TSEN54: variants seen among roughly 807,000 people sequenced by gnomAD.
TSEN54 encodes the protein tRNA-splicing endonuclease subunit Sen54.
TSEN54 carries 55 observed loss-of-function variants against 61.9 expected under a neutral mutation model. That is an observed-to-expected ratio of 0.89 (90% confidence interval 0.72 to 1.11). TSEN54 has a LOEUF of 1.11. Ranked by LOEUF, TSEN54 falls within the 50% of genes most tolerant of loss-of-function variation. The probability of loss-of-function intolerance (pLI) is 0.00; values close to 1 mark genes in which losing one functional copy is unlikely to be tolerated. For missense variants in TSEN54, 760 were observed against 687.7 expected, an observed-to-expected ratio of 1.11 and a Z score of -1.18; for synonymous variants, 304 against 288.7, an observed-to-expected ratio of 1.05 and a Z score of -0.54.
rs200445428 is a variant in TSEN54 at position 75,524,409 on chromosome 17, C to T, written c.1578C>T (p.His526=). Reference sequence around the variant, plus strand: ...TCACGTTGCCCCAGGATGTGGGGCACTGACCTCACAGCTCTGCAGAGGATG... The same window carrying T: ...TCACGTTGCCCCAGGATGTGGGGCATTGACCTCACAGCTCTGCAGAGGATG... ...RDFTLPQDVG[H] is the part of the protein sequence containing the mutation. The change falls in exon 11 of 11, where the codon CAC becomes CAT. Residue 526 remains histidine (H), a synonymous_variant. Transcript: ENST00000333213. 1.2e-6 allele frequency: 2 copies of T among 1,613,976 alleles called. No homozygotes were observed. Among genetic ancestry groups the T allele is most frequent in the South Asian group, 1.1e-5 (1 of 91,092 alleles).
rs577838647 is a variant in TSEN54, at chr17:75,518,665, C to G, written c.469-330C>G. 1.4e-5 allele frequency: 14 copies of G among 985,272 alleles called. No homozygotes were observed. In the Middle Eastern group the frequency reaches 2.6e-3, roughly 182 times the overall value. The allele number at this position is 985,272 out of a possible 1,614,324, so 61.0% of individuals were successfully genotyped here. A position where few individuals can be genotyped will look rare whatever the true frequency, so the allele number is the denominator to read the frequency against. On this transcript the variant is annotated intron_variant, in intron 5 of 10. Transcript: ENST00000333213. The stretch of plus-strand genomic sequence containing the variant: ...GCCATCATTTTGTTCACATGGTGAT[C>G]GGCAGCTTCACTCCTATGAGCTTTG...
rs776024779 is a variant in TSEN54, at chr17:75,517,201, G to A, written c.326G>A (p.Arg109Gln). Residue 109 changes from arginine (R) to glutamine (Q), a missense_variant, in exon 4 of 11, where the codon CGG (arginine) becomes CAG (glutamine). Transcript: ENST00000333213. ...WQTMGFSEQG[R>Q]QRLHPEEALY... The stretch of plus-strand genomic sequence containing the variant: ...ACCATGGGCTTCTCAGAGCAGGGCC[G>A]GCAGCGCCTTCACCCGGAAGAGGCC... 2 of 1,606,616 alleles carry A rather than the reference G, an allele frequency of 1.2e-6. No homozygotes were observed. The highest frequency in any genetic ancestry group is 1.7e-6 in the Non-Finnish European group (2 of 1,176,906).
At position 75,523,277 on chromosome 17, in the gene TSEN54, G is replaced by A. The variant is rs1394317412; in HGVS notation, c.1255G>A (p.Val419Met). The part of the protein sequence containing the change: ...LSPGQASSPA[V>M]VLQHISVLQT... ...CCTTGTTTTCTGTGTCCTTGTAGCC[G>A]TGGTCCTTCAGCATATCTCTGTGCT... is the stretch of plus-strand genomic sequence containing the variant. The change falls in exon 9 of 11, where the codon GTG (valine) becomes ATG (methionine). Residue 419 changes from valine (V) to methionine (M), a missense_variant and splice_region_variant. Val to Met is a conservative substitution (Grantham distance 21). Around this residue, in one of 3 missense-constraint regions of TSEN54, gnomAD observed 667 missense variants for 577.8 expected, o/e 1.15. Transcript: ENST00000333213. 8 of 1,613,962 alleles carry A rather than the reference G, an allele frequency of 5.0e-6. No homozygotes were observed. Among genetic ancestry groups the A allele is most frequent in the East Asian group, 4.5e-5 (2 of 44,898 alleles).
chr17:75,521,549 G>T (rs929535904), intron 7 of TSEN54, 39 bp downstream of exon 7: 59 of 1,602,546 alleles, frequency 3.7e-5, no homozygotes, highest in Non-Finnish European at 5.0e-5. Flanking sequence ...GGGAGTGCTG[G>T]TGTCTGGGAC....
At position 75,523,334 on chromosome 17, in the gene TSEN54, C is replaced by A; in HGVS notation, c.1312C>A (p.Arg438=). The change falls in exon 9 of 11, where the codon CGG becomes AGG. Residue 438 remains arginine, a splice_region_variant and synonymous_variant. Coordinates refer to ENST00000333213, the MANE Select transcript of TSEN54 (RefSeq NM_207346.3). ...AACACACCTTCCTGATGGAGGTGCC[C>A]GGTAAGTTTCCAAGCAGTGCCGTCT... ...QTTHLPDGGA[R]LLEKSGGLEI... is the part of the protein sequence containing the mutation. 6.2e-7 allele frequency: 1 copy of A among 1,613,980 alleles called. No homozygotes were observed. Among genetic ancestry groups the A allele is most frequent in the South Asian group, 1.1e-5 (1 of 91,072 alleles).
At chr17:75,521,302 G>A (rs1048215591) in intron 6 of TSEN54, 107 bp from the exon 7 acceptor site, 13 of 958,188 alleles carry the variant, frequency 1.4e-5, no homozygotes, top group Non-Finnish European at 1.2e-5. Context: ...GTGTGGCTCC[G>A]ATCCTGGCCC....
In TSEN54 at chr17:75,517,987, G is replaced by A. The variant is rs770849822; in HGVS notation, c.468+332G>A. ...TCAGAAATATTTTGGAGAAAGAATG[G>A]ATAGGACTGCCAATGGATTGGATGT... On this transcript the variant is annotated intron_variant, in intron 5 of 10. Transcript: ENST00000333213. Among the ~76,000 whole-genome samples, 3 of 152,168 alleles carry A rather than the reference G, an allele frequency of 2.0e-5. No individual in the cohort carries two copies. In the South Asian group the frequency reaches 6.2e-4, roughly 32 times the overall value.
intron 8 of TSEN54, chr17:75,522,576 TAAAC>T (rs2053440502): frequency 7.1e-7 from 1 of 1,406,320 alleles, no homozygotes; most frequent in African/African-American, 1.4e-5. Flanking sequence ...CTTAAAAAGA[TAAAC>T]AACATGCATG....
chr17:75,518,658 T>C (rs1028634500), intron 5 of TSEN54: 1 of 985,464 alleles, frequency 1.0e-6, no homozygotes, highest in Non-Finnish European at 1.2e-6. Context: ...TTTGTTCACA[T>C]GGTGATCGGC....
Position 75,522,041 on chromosome 17 carries a change from A to G in TSEN54, c.960A>G (p.Pro320=). The stretch of plus-strand genomic sequence containing the variant: ...ACACCCTTCTGCGCGCCCCAGCCCC[A>G]GAGCTGCTCCCGGCCAACGTGGCTG... ...SRHTLLRAPA[P]ELLPANVAGR... Residue 320 remains proline (P), a synonymous_variant, in exon 8 of 11, where the codon CCA becomes CCG. Coordinates refer to ENST00000333213, the MANE Select transcript of TSEN54 (RefSeq NM_207346.3). 2 of 1,591,884 alleles carry G rather than the reference A, an allele frequency of 1.3e-6. No homozygotes were observed. The highest frequency in any genetic ancestry group is 1.7e-6 in the Non-Finnish European group (2 of 1,169,748).
chr17:75,522,315 G>A lies in TSEN54; in HGVS notation c.1234G>A (p.Gly412Ser), dbSNP rs1415693235. The A allele has an allele frequency of 9.1e-6, 14 of 1,545,598 alleles. No individual in the cohort carries two copies. Among genetic ancestry groups the A allele is most frequent in the East Asian group, 4.9e-5 (2 of 40,908 alleles). Residue 412 changes from glycine to serine, a missense_variant, in exon 8 of 11, where the codon GGC becomes AGC. This residue lies in a region of TSEN54 where 667 missense variants were observed against 577.8 expected (regional missense o/e 1.15). Transcript: ENST00000333213. ...GQPVTPLLSP[G>S]QASSPAVVLQ... ...GCCCGTCACCCCGCTGCTGAGTCCTGGCCAGGCCAGCTCCCCAGGTACCCC... is the reference window on the plus strand; with the variant it reads ...GCCCGTCACCCCGCTGCTGAGTCCTAGCCAGGCCAGCTCCCCAGGTACCCC...
intron 9 of TSEN54, 111 bp downstream of exon 9, chr17:75,523,446 T>TA (rs2053453173): frequency 6.2e-7 from 1 of 1,605,930 alleles, no homozygotes. Context: ...CAGGGACTCC[T>TA]ACCCCTACGC....
Position 75,521,992 on chromosome 17 carries a change from C to T in TSEN54, c.911C>T (p.Pro304Leu), listed in dbSNP as rs768929014. Residue 304 changes from proline to leucine, a missense_variant, in exon 8 of 11, where the codon CCC becomes CTC. By Grantham distance (98) the Pro-to-Leu change is moderately conservative. Around this residue, in one of 3 missense-constraint regions of TSEN54, gnomAD observed 667 missense variants for 577.8 expected, o/e 1.15. Coordinates refer to ENST00000333213, the MANE Select transcript of TSEN54 (RefSeq NM_207346.3). Reference sequence around the variant, plus strand: ...TGGAACTTCGAGCAGATCTCCTTCCCCAACATGGCTTCAGACAGCCGCCAC... The same window carrying T: ...TGGAACTTCGAGCAGATCTCCTTCCTCAACATGGCTTCAGACAGCCGCCAC... ...RRWNFEQISFPNMASDSRHTL... is the reference protein window; with the variant it reads ...RRWNFEQISFLNMASDSRHTL... The T allele has an allele frequency of 4.4e-6, 7 of 1,604,576 alleles. No individual in the cohort carries two copies. The African/African-American group carries it at 9.4e-5, about 21-fold the overall frequency.
Position 75,517,301 on chromosome 17 carries a change from G to C in TSEN54, c.369+57G>C, listed in dbSNP as rs117195747. 0.026 allele frequency: 40,759 copies of C among 1,540,756 alleles called. 700 individuals carry two copies. Among genetic ancestry groups the C allele is most frequent in the Non-Finnish European group, 0.031 (35,778 of 1,136,480 alleles). ...TGGGACCAAAGAACGGGAAGGACAC[G>C]TTTTATCGGAGAAAAAGCACACACA... On this transcript the variant is annotated intron_variant, in intron 4 of 10. Transcript: ENST00000333213.
intron 6 of TSEN54, 92 bp downstream of exon 6, chr17:75,519,139 A>C: frequency 6.8e-7 from 1 of 1,463,332 alleles, no homozygotes; most frequent in Non-Finnish European, 9.6e-7. Context: ...CTTACCTGGA[A>C]CCCTTGGCTG....
At chr17:75,519,409 T>G (rs2053405361) in intron 6 of TSEN54, among the ~76,000 whole-genome samples, 1 of 152,204 alleles carries the variant, frequency 6.6e-6, no homozygotes, top group Non-Finnish European at 1.5e-5. Context: ...TTACCATTAG[T>G]AGGGTTTCAC....
chr17:75,519,960 G>A (rs556050005), intron 6 of TSEN54, among the ~76,000 whole-genome samples: 78 of 152,286 alleles, frequency 5.1e-4, no homozygotes, highest in African/African-American at 1.9e-3. Context: ...AATGATCAAC[G>A]ATATTTATTA....
intron 5 of TSEN54, 196 bp from the exon 6 acceptor site, chr17:75,518,799 G>T: frequency 1.0e-6 from 1 of 985,376 alleles, no homozygotes; most frequent in Non-Finnish European, 1.2e-6. Context: ...TAAGTGGGAG[G>T]ACAGGAATTC....
Position 75,516,572 on chromosome 17 carries a change from G to GGAGCCCGAT in TSEN54, c.12_13insGAGCCCGAT (p.Glu4_Pro5insGluProAsp). Reference sequence around the variant, plus strand: ...CAGGCGGCGGCGGGATGGAGCCCGAGCCCGAGCCCGCGGCCGTGGAGGTTC... The same window carrying GGAGCCCGAT: ...CAGGCGGCGGCGGGATGGAGCCCGAGGAGCCCGATCCCGAGCCCGCGGCCGTGGAGGTTC... On this transcript the variant is annotated inframe_insertion, in exon 1 of 11. Coordinates refer to ENST00000333213, the MANE Select transcript of TSEN54 (RefSeq NM_207346.3). 8.7e-7 allele frequency: 1 copy of GGAGCCCGAT among 1,149,912 alleles called. No individual in the cohort carries two copies. Among genetic ancestry groups the GGAGCCCGAT allele is most frequent in the Non-Finnish European group, 1.1e-6 (1 of 937,190 alleles). 71.2% of individuals were successfully genotyped at this position (1,149,912 alleles called of 1,614,324 possible).
Sources: allele counts gnomAD v4.1 joint callset (sites outside exome capture counted in the v4.1 genomes callset), GRCh38; gene constraint gnomAD v4.1.1; regional missense constraint gnomAD v4.1.1; transcripts MANE v1.5; gene names NCBI Gene and HGNC (gene_info 2026-07-23, HGNC 2026-07-21).